Variants in DPP10 observed in about 807,000 individuals in gnomAD.
DPP10 encodes the protein dipeptidyl peptidase like 10.
A neutral mutation model predicts 120.9 loss-of-function variants in DPP10; 33 were observed. The observed-to-expected ratio is 0.27, with a 90% CI of 0.21 to 0.37. The LOEUF (loss-of-function observed/expected upper bound fraction) is 0.37, where lower values mean the gene tolerates loss of function less well. Among genes scored for constraint, DPP10 ranks in the 10% least tolerant of loss-of-function variants. The pLI is 1.00. For missense variants in DPP10, 816 were observed against 942.8 expected (o/e 0.87, Z 1.76); for synonymous variants, 337 against 326.1 (o/e 1.03, Z -0.36).
intron 1 of DPP10, among the ~76,000 whole-genome samples, chr2:115,218,994 T>C (rs2056985778): frequency 6.6e-6 from 1 of 152,142 alleles, no homozygotes; most frequent in African/African-American, 2.4e-5. Flanking sequence ...CACTGAGTAC[T>C]TATTACACCC....
chr2:115,324,937 CAG>C (rs762544153), intron 2 of DPP10, among the ~76,000 whole-genome samples: 6 of 151,962 alleles, frequency 3.9e-5, no homozygotes, highest in South Asian at 2.1e-4. Context: ...GAGAGAGAGA[CAG>C]GGGATCAATT....
At position 114,599,626 on chromosome 2, in the gene DPP10, A is replaced by G. The variant is rs188314690; in HGVS notation, c.60+156788A>G. 1.3e-4 allele frequency among the ~76,000 whole-genome samples: 20 copies of G among 151,672 alleles called. No homozygotes were observed. In the East Asian group the frequency reaches 3.5e-3, roughly 26 times the overall value. On this transcript the variant is annotated intron_variant, in intron 1 of 25. Coordinates refer to ENST00000410059, the MANE Select transcript of DPP10 (RefSeq NM_020868.6). ...ATTTTTTTTGTTTGTTTTAAAATCT[A>G]TCCACTTGTTTATGGACATTTTTGT...
chr2:115,127,554 A>G (rs1487649522), intron 1 of DPP10, among the ~76,000 whole-genome samples: 2 of 152,224 alleles, frequency 1.3e-5, no homozygotes, highest in African/African-American at 4.8e-5. Flanking sequence ...CTGTGTTTCT[A>G]TCAAGATGGG....
intron 2 of DPP10, among the ~76,000 whole-genome samples, chr2:115,327,711 C>T (rs1238768235): frequency 6.6e-6 from 1 of 151,956 alleles, no homozygotes; most frequent in East Asian, 1.9e-4. Context: ...CATCATATTT[C>T]GTATGCACTG....
intron 3 of DPP10, among the ~76,000 whole-genome samples, chr2:115,370,629 C>T (rs2065346077): frequency 6.6e-6 from 1 of 152,086 alleles, no homozygotes; most frequent in Non-Finnish European, 1.5e-5. Flanking sequence ...TTTAAACAAA[C>T]AAGGACTCCA....
chr2:114,987,088 G>C (rs773630242), intron 1 of DPP10, among the ~76,000 whole-genome samples: 16 of 152,094 alleles, frequency 1.1e-4, no homozygotes, highest in Middle Eastern at 3.4e-3. Context: ...CCTAGGATAG[G>C]TTTTCTCATT....
At chr2:115,784,832 G>A (rs1683155755) in intron 17 of DPP10, among the ~76,000 whole-genome samples, 1 of 152,102 alleles carries the variant, frequency 6.6e-6, no homozygotes, top group Admixed American at 6.6e-5. Flanking sequence ...ATGCCTAGCA[G>A]AAACTTAATT....
intron 1 of DPP10, among the ~76,000 whole-genome samples, chr2:114,936,223 A>C (rs578093042): frequency 7.9e-5 from 12 of 152,078 alleles, no homozygotes; most frequent in Non-Finnish European, 1.5e-4. Flanking sequence ...GCACTTTAAG[A>C]GTGAGAATGT....
chr2:114,663,662 T>TAGAGAGAG (rs1407543024), intron 1 of DPP10, among the ~76,000 whole-genome samples: 100 of 94,988 alleles, frequency 1.1e-3, no homozygotes, highest in African/African-American at 2.1e-3. Flanking sequence ...TATATATATA[T>TAGAGAGAG]ATATATAGAG....
intron 1 of DPP10, among the ~76,000 whole-genome samples, chr2:114,769,185 T>C (rs965408920): frequency 6.6e-6 from 1 of 152,148 alleles, no homozygotes; most frequent in African/African-American, 2.4e-5. Context: ...CACAGTGGTG[T>C]GGCCGATAAA....
intron 3 of DPP10, among the ~76,000 whole-genome samples, chr2:115,399,552 G>A (rs2067915711): frequency 6.6e-6 from 1 of 152,050 alleles, no homozygotes; most frequent in Non-Finnish European, 1.5e-5. Context: ...TTAAAAAATT[G>A]CTTTAATTTT....
chr2:115,078,809 C>A (rs1286421674), intron 1 of DPP10, among the ~76,000 whole-genome samples: 1 of 24,328 alleles, frequency 4.1e-5, no homozygotes, highest in African/African-American at 1.1e-4. Flanking sequence ...ATTTAAGTAT[C>A]ACAGATAAAT....
At chr2:114,932,185 A>G (rs369613901) in intron 1 of DPP10, among the ~76,000 whole-genome samples, 8 of 152,228 alleles carry the variant, frequency 5.3e-5, no homozygotes, top group African/African-American at 1.9e-4. Context: ...GAGCCAGGCA[A>G]TTTGTTTTAT....
intron 21 of DPP10, among the ~76,000 whole-genome samples, chr2:115,826,148 G>A (rs1688287945): frequency 5.9e-5 from 9 of 152,190 alleles, no homozygotes; most frequent in Admixed American, 5.9e-4. Context: ...TTCTAGGAAG[G>A]TCAAGTAACA....
At chr2:115,234,483 A>G (rs899113873) in intron 1 of DPP10, 1 of 152,576 alleles carries the variant, frequency 6.6e-6, no homozygotes, top group Non-Finnish European at 1.5e-5. Context: ...GTCAATAGCT[A>G]GATTTTACTA....
At chr2:114,759,465 C>CT (rs199772151) in intron 1 of DPP10, among the ~76,000 whole-genome samples, 2,832 of 145,850 alleles carry the variant, frequency 0.019, 68 homozygotes, top group African/African-American at 0.063. Flanking sequence ...TGCTGTAAAT[C>CT]TTTTTTTTTT....
intron 1 of DPP10, among the ~76,000 whole-genome samples, chr2:114,601,849 C>A (rs1290607198): frequency 6.6e-6 from 1 of 151,906 alleles, no homozygotes; most frequent in African/African-American, 2.4e-5. Flanking sequence ...GCCACTAATG[C>A]AGACCTTAAA....
At chr2:115,583,739 A>G (rs191879986) in intron 5 of DPP10, among the ~76,000 whole-genome samples, 2 of 152,178 alleles carry the variant, frequency 1.3e-5, no homozygotes, top group African/African-American at 4.8e-5. Context: ...TATAGACACA[A>G]CCTCTCAGGG....
chr2:115,720,438 A>G (rs1366117738), intron 7 of DPP10, among the ~76,000 whole-genome samples: 1 of 152,168 alleles, frequency 6.6e-6, no homozygotes, highest in Non-Finnish European at 1.5e-5. Flanking sequence ...TCGATGATCC[A>G]TCTAAAAATA....
Sources: allele counts gnomAD v4.1 joint callset (sites outside exome capture counted in the v4.1 genomes callset), GRCh38; gene constraint gnomAD v4.1.1; transcripts MANE v1.5; gene names NCBI Gene and HGNC (gene_info 2026-07-23, HGNC 2026-07-21).